Variants in PCCA observed in about 807,000 individuals in gnomAD.
PCCA encodes propionyl-CoA carboxylase alpha chain, mitochondrial.
A neutral mutation model predicts 101.3 loss-of-function variants in PCCA; 74 were observed. That is an observed-to-expected ratio of 0.73 (90% confidence interval 0.61 to 0.89). PCCA has a LOEUF of 0.89. Among genes scored for constraint, PCCA ranks in the 40% least tolerant of loss-of-function variants. The pLI, the probability that PCCA is intolerant of heterozygous loss-of-function variation, is 0.00. For synonymous variants in PCCA, 294 were observed against 313.6 expected, an observed-to-expected ratio of 0.94 and a Z score of 0.66; for missense variants, 891 against 907.0, an observed-to-expected ratio of 0.98 and a Z score of 0.23.
intron 6 of PCCA, chr13:100,161,638 CT>C (rs1168077770): frequency 6.7e-6 from 1 of 150,294 alleles, no homozygotes; most frequent in East Asian, 2.0e-4. Context: ...CCATATGATA[CT>C]CTACTCATTC....
intron 4 of PCCA, among the ~76,000 whole-genome samples, chr13:100,118,300 T>A (rs2049025755): frequency 1.3e-5 from 2 of 152,126 alleles, no homozygotes; most frequent in Non-Finnish European, 2.9e-5. Flanking sequence ...TTCAGGTTTT[T>A]CCAGTTGACC....
At position 100,102,582 on chromosome 13, in the gene PCCA, C is replaced by T. The variant is rs9300586; in HGVS notation, c.106-301C>T. On this transcript the variant is annotated intron_variant, in intron 1 of 23. Coordinates refer to ENST00000376285, the MANE Select transcript of PCCA (RefSeq NM_000282.4). ...AAGTTCTGTGTGGTCTGTGACATTT[C>T]TGACCCTGCTCTATCCTTTTGAATG... Among the ~76,000 whole-genome samples, 5,531 of 152,290 alleles carry T rather than the reference C, an allele frequency of 0.036. 335 individuals carry two copies. Among genetic ancestry groups the T allele is most frequent in the African/African-American group, 0.13 (5,284 of 41,528 alleles).
intron 7 of PCCA, among the ~76,000 whole-genome samples, chr13:100,225,403 A>G (rs1298139150): frequency 6.6e-6 from 1 of 152,246 alleles, no homozygotes; most frequent in South Asian, 2.1e-4. Flanking sequence ...CGTTTACACC[A>G]CAGAACAGAG....
chr13:100,525,272 T>C (rs2087695514), intron 22 of PCCA, among the ~76,000 whole-genome samples: 1 of 152,208 alleles, frequency 6.6e-6, no homozygotes, highest in African/African-American at 2.4e-5. Context: ...GAAGGACTAT[T>C]TGAATTTCAG....
At chr13:100,400,009 A>G (rs776778869) in intron 19 of PCCA, among the ~76,000 whole-genome samples, 31 of 152,230 alleles carry the variant, frequency 2.0e-4, no homozygotes, top group Non-Finnish European at 2.8e-4. Flanking sequence ...GGATGTCATA[A>G]GAGTTAGGCT....
At chr13:100,266,677 A>G (rs1233013900) in intron 10 of PCCA, among the ~76,000 whole-genome samples, 1 of 152,170 alleles carries the variant, frequency 6.6e-6, no homozygotes, top group Non-Finnish European at 1.5e-5. Context: ...CACATGAGCC[A>G]TTATATACTA....
intron 11 of PCCA, among the ~76,000 whole-genome samples, chr13:100,269,222 T>C (rs1336618235): frequency 6.6e-6 from 1 of 152,218 alleles, no homozygotes. Flanking sequence ...TTACTGCATA[T>C]TTTTATAATT....
chr13:100,262,879 A>G, intron 10 of PCCA, 48 bp downstream of exon 10: 1 of 783,140 alleles, frequency 1.3e-6, no homozygotes, highest in Non-Finnish European at 2.3e-6. Flanking sequence ...AAATAATATC[A>G]TTTAATCCTA....
chr13:100,310,178 G>A (rs1010815036), intron 16 of PCCA, among the ~76,000 whole-genome samples: 7 of 152,096 alleles, frequency 4.6e-5, no homozygotes, highest in Non-Finnish European at 8.8e-5. Context: ...TCAGGAGGGC[G>A]TCTTTTTTCT....
At chr13:100,501,672 G>A (rs939988484) in intron 21 of PCCA, among the ~76,000 whole-genome samples, 5 of 152,026 alleles carry the variant, frequency 3.3e-5, no homozygotes, top group South Asian at 2.1e-4. Context: ...AGGAGTTTGA[G>A]GCCAGCCTGG....
intron 22 of PCCA, among the ~76,000 whole-genome samples, chr13:100,518,808 G>C (rs145373456): frequency 5.4e-4 from 82 of 152,248 alleles, no homozygotes; most frequent in African/African-American, 1.8e-3. Context: ...TCTTAGACTC[G>C]TAACACTATT....
chr13:100,215,889 C>T (rs1357138800), intron 7 of PCCA, among the ~76,000 whole-genome samples: 1 of 152,154 alleles, frequency 6.6e-6, no homozygotes, highest in African/African-American at 2.4e-5. Flanking sequence ...ATTCACCTGC[C>T]TTGGCCTCCC....
chr13:100,452,276 T>TC (rs1462728181), intron 21 of PCCA, among the ~76,000 whole-genome samples: 1 of 151,794 alleles, frequency 6.6e-6, no homozygotes, highest in Admixed American at 6.6e-5. Context: ...TGTCTCTGTG[T>TC]CCCCACGCCC....
intron 19 of PCCA, among the ~76,000 whole-genome samples, chr13:100,377,526 G>A (rs1444764877): frequency 7.9e-5 from 12 of 151,938 alleles, no homozygotes; most frequent in Non-Finnish European, 1.2e-4. Context: ...ACAGAGTCTC[G>A]CTCTGTCACC....
chr13:100,344,311 C>A (rs1346120475), intron 18 of PCCA, among the ~76,000 whole-genome samples: 1 of 152,094 alleles, frequency 6.6e-6, no homozygotes, highest in Non-Finnish European at 1.5e-5. Context: ...GTGGTAATAA[C>A]AAAAGTGCAA....
chr13:100,432,056 G>A (rs143728411), intron 20 of PCCA, among the ~76,000 whole-genome samples: 101 of 151,712 alleles, frequency 6.7e-4, no homozygotes, highest in African/African-American at 1.5e-3. Flanking sequence ...AATATTAACC[G>A]GGGATGGTGG....
chr13:100,320,000 G>C (rs1057508133), intron 16 of PCCA, among the ~76,000 whole-genome samples: 6 of 152,012 alleles, frequency 3.9e-5, no homozygotes, highest in Admixed American at 3.3e-4. Flanking sequence ...CTTTTATTTT[G>C]TTGAGCAGTG....
intron 12 of PCCA, among the ~76,000 whole-genome samples, chr13:100,296,953 C>T (rs944694270): frequency 6.6e-6 from 1 of 152,206 alleles, no homozygotes; most frequent in Non-Finnish European, 1.5e-5. Flanking sequence ...TCTTTATTCT[C>T]TCTCAATCTG....
chr13:100,293,348 G>T (rs144286552), intron 12 of PCCA: 31 of 400,922 alleles, frequency 7.7e-5, no homozygotes, highest in African/African-American at 5.5e-4. Flanking sequence ...ATTCCAGAAA[G>T]ATTTTAGAAA....
Sources: allele counts gnomAD v4.1 joint callset (sites outside exome capture counted in the v4.1 genomes callset), GRCh38; gene constraint gnomAD v4.1.1; transcripts MANE v1.5; gene names NCBI Gene and HGNC (gene_info 2026-07-23, HGNC 2026-07-21).